Variants in DOCK7 observed in about 807,000 individuals in gnomAD.
DOCK7 encodes dedicator of cytokinesis 7, also known as dedicator of cytokinesis protein 7.
Under a neutral mutation model 271.0 loss-of-function variants are expected in DOCK7, and 138 were observed. The ratio of observed to expected loss-of-function variants is 0.51; its 90% confidence interval spans 0.44 to 0.59. DOCK7 has a LOEUF of 0.59. DOCK7 is among the 20% of genes least tolerant of loss of function. The pLI, the probability that DOCK7 is intolerant of heterozygous loss-of-function variation, is 0.00. For synonymous variants in DOCK7, 823 were observed against 876.1 expected (o/e 0.94, Z 1.07); for missense variants, 2,066 against 2,592.4 (o/e 0.80, Z 4.41).
intron 29 of DOCK7, among the ~76,000 whole-genome samples, chr1:62,534,366 C>T (rs373239257): frequency 1.3e-5 from 2 of 152,248 alleles, no homozygotes; most frequent in African/African-American, 4.8e-5. Flanking sequence ...GTAATCCTAG[C>T]ATGCTGGGAG....
intron 18 of DOCK7, among the ~76,000 whole-genome samples, chr1:62,564,371 C>A (rs1266638477): frequency 6.6e-6 from 1 of 152,128 alleles, no homozygotes; most frequent in Non-Finnish European, 1.5e-5. Flanking sequence ...GTCTCTCAGA[C>A]CACAGTGCAA....
chr1:62,463,414 A>G (rs958205231), intron 48 of DOCK7, among the ~76,000 whole-genome samples: 1 of 152,218 alleles, frequency 6.6e-6, no homozygotes, highest in Admixed American at 6.5e-5. Context: ...AAAATGTGGC[A>G]TCGTCTGAGG....
At chr1:62,497,876 G>A (rs1304442463) in intron 37 of DOCK7, among the ~76,000 whole-genome samples, 1 of 152,120 alleles carries the variant, frequency 6.6e-6, no homozygotes, top group African/African-American at 2.4e-5. Context: ...TGAGAGTATA[G>A]TGATAAAATA....
At chr1:62,669,754 C>T (rs558059749) in intron 1 of DOCK7, among the ~76,000 whole-genome samples, 14 of 152,348 alleles carry the variant, frequency 9.2e-5, no homozygotes, top group African/African-American at 3.1e-4. Flanking sequence ...CGCTTGCTCT[C>T]GGCACCTCCC....
chr1:62,660,727 A>G (rs1432218546), intron 2 of DOCK7, among the ~76,000 whole-genome samples: 2 of 152,238 alleles, frequency 1.3e-5, no homozygotes, highest in African/African-American at 4.8e-5. Flanking sequence ...AAAAGTTTGC[A>G]AACAACCCCA....
intron 1 of DOCK7, among the ~76,000 whole-genome samples, chr1:62,684,166 T>C (rs913385056): frequency 1.7e-4 from 25 of 150,480 alleles, no homozygotes; most frequent in Admixed American, 2.6e-4. Flanking sequence ...AGTGAGCCGA[T>C]TGCGCCACTT....
At chr1:62,517,393 C>T (rs551250935) in intron 31 of DOCK7, among the ~76,000 whole-genome samples, 41 of 152,178 alleles carry the variant, frequency 2.7e-4, no homozygotes, top group African/African-American at 9.6e-4. Flanking sequence ...GTCAGGAGTT[C>T]GAGATCAGCC....
At chr1:62,499,037 G>C (rs546686198) in intron 37 of DOCK7, among the ~76,000 whole-genome samples, 196 of 152,024 alleles carry the variant, frequency 1.3e-3, no homozygotes, top group African/African-American at 4.7e-3. Context: ...CCTGACCTCA[G>C]GTGATCCACC....
intron 1 of DOCK7, among the ~76,000 whole-genome samples, chr1:62,670,037 G>A (rs1034820276): frequency 8.7e-4 from 132 of 152,394 alleles, no homozygotes; most frequent in Non-Finnish European, 1.7e-3. Context: ...ACCCGGGCCA[G>A]TGGCTGCGGA....
At chr1:62,518,155 G>C (rs910348528) in intron 31 of DOCK7, among the ~76,000 whole-genome samples, 5 of 152,174 alleles carry the variant, frequency 3.3e-5, no homozygotes, top group African/African-American at 1.2e-4. Flanking sequence ...GACAAAACTG[G>C]CTGGATGTGG....
chr1:62,560,408 C>A (rs977456904), intron 19 of DOCK7, among the ~76,000 whole-genome samples: 1 of 152,172 alleles, frequency 6.6e-6, no homozygotes, highest in African/African-American at 2.4e-5. Flanking sequence ...ATTACAACCA[C>A]CTACAGGACA....
chr1:62,488,905 AT>A, intron 42 of DOCK7, 28 bp downstream of exon 42: 1 of 1,613,028 alleles, frequency 6.2e-7, no homozygotes, highest in Non-Finnish European at 8.5e-7. Flanking sequence ...TTTTCCCTTT[AT>A]AGTGAAGCTA....
At chr1:62,588,064 T>C (rs948928743) in intron 14 of DOCK7, among the ~76,000 whole-genome samples, 1 of 152,176 alleles carries the variant, frequency 6.6e-6, no homozygotes, top group Admixed American at 6.5e-5. Context: ...GAATCAGTTG[T>C]GCTCAAAATA....
rs1661995692 is a variant in DOCK7 at position 62,687,842 on chromosome 1, A to T, written c.38+385T>A. Among the ~76,000 whole-genome samples, 2 of 146,350 alleles carry T rather than the reference A, an allele frequency of 1.4e-5. 1 individual carries two copies. Among genetic ancestry groups the T allele is most frequent in the South Asian group, 4.9e-4 (2 of 4,078 alleles). The stretch of plus-strand genomic sequence containing the variant: ...GGGCGGAGAGACGGGAGGGGGCGAA[A>T]CGCCGCGGCGGCCCCCGACGAGCCC... On this transcript the variant is annotated intron_variant, in intron 1 of 49. Coordinates refer to ENST00000635253, the MANE Select transcript of DOCK7 (RefSeq NM_001367561.1).
intron 2 of DOCK7, among the ~76,000 whole-genome samples, chr1:62,661,348 T>C (rs981500907): frequency 9.9e-5 from 15 of 152,018 alleles, no homozygotes; most frequent in Non-Finnish European, 1.6e-4. Flanking sequence ...TGGAGATAAA[T>C]AGTGGTGATG....
In DOCK7 at chr1:62,492,734, T is replaced by G; in HGVS notation, c.5331A>C (p.Leu1777Phe). 1 of 1,614,110 alleles carries G rather than the reference T, an allele frequency of 6.2e-7. No individual in the cohort carries two copies. The highest frequency in any genetic ancestry group is 8.5e-7 in the Non-Finnish European group (1 of 1,179,978). The change falls in exon 41 of 50, where the codon TTA becomes TTC. Residue 1777 changes from leucine (L) to phenylalanine (F), a missense_variant. Leu to Phe is a conservative substitution (Grantham distance 22). Coordinates refer to ENST00000635253, the MANE Select transcript of DOCK7 (RefSeq NM_001367561.1). ...AGAAGGAAGCAGCTGCTTGTTCCAGTAATCCCACAAGTCCTGACTCAGTAA... is the reference window on the plus strand; with the variant it reads ...AGAAGGAAGCAGCTGCTTGTTCCAGGAATCCCACAAGTCCTGACTCAGTAA... Reference protein sequence around the residue: ...KYFTESGLVGLLEQAAASFSM... With the variant: ...KYFTESGLVGFLEQAAASFSM...
chr1:62,475,151 A>T (rs1196250409), intron 47 of DOCK7, 57 bp downstream of exon 47: 17 of 1,522,474 alleles, frequency 1.1e-5, no homozygotes, highest in Non-Finnish European at 1.4e-5. Flanking sequence ...CTGATCTGAA[A>T]TTATCCCAAA....
At chr1:62,601,955 G>T (rs1235048599) in intron 14 of DOCK7, 1 of 886,308 alleles carries the variant, frequency 1.1e-6, no homozygotes, top group Non-Finnish European at 1.9e-6. Flanking sequence ...GATTAACCTG[G>T]TTATCATTGT....
chr1:62,575,013 G>A (rs1279404655), intron 18 of DOCK7, among the ~76,000 whole-genome samples: 1 of 151,990 alleles, frequency 6.6e-6, no homozygotes, highest in African/African-American at 2.4e-5. Flanking sequence ...TTACAGGCAT[G>A]AGCCACCACA....
Sources: allele counts gnomAD v4.1 joint callset (sites outside exome capture counted in the v4.1 genomes callset), GRCh38; gene constraint gnomAD v4.1.1; transcripts MANE v1.5; gene names NCBI Gene and HGNC (gene_info 2026-07-23, HGNC 2026-07-21).